The following LCN15 variants were observed in gnomAD, a reference collection of about 807,000 sequenced individuals.
LCN15 encodes lipocalin 15, also known as lipocalin-15.
Under a neutral mutation model 23.1 loss-of-function variants are expected in LCN15, and 26 were observed. The ratio of observed to expected loss-of-function variants is 1.13; its 90% CI spans 0.82 to 1.56. The LOEUF (loss-of-function observed/expected upper bound fraction) is 1.56, where lower values mean the gene tolerates loss of function less well. Among genes scored for constraint, LCN15 ranks in the 40% most tolerant of loss-of-function variants. The probability of loss-of-function intolerance (pLI) is 0.00; values close to 1 mark genes in which losing one functional copy is unlikely to be tolerated. For missense variants in LCN15, 241 were observed against 239.5 expected (o/e 1.01, Z -0.04); for synonymous variants, 107 against 98.3 (o/e 1.09, Z -0.52).
At chr9:136,762,152 T>C in intron 5 of LCN15, 36 bp downstream of exon 5, 2 of 1,022,492 alleles carry the variant, frequency 2.0e-6, no homozygotes, top group East Asian at 4.8e-5. Context: ...AGGGAGAGGC[T>C]GGGGGGCATG....
In LCN15 at chr9:136,759,696, G is replaced by T. The variant is rs1220874904; in HGVS notation, c.*120C>A. 6.6e-6 allele frequency: 1 copy of T among 152,316 alleles called. No individual in the cohort carries two copies. The highest frequency in any genetic ancestry group is 2.1e-4 in the South Asian group (1 of 4,842). 9.4% of individuals were successfully genotyped at this position (152,316 alleles called of 1,614,324 possible). On this transcript the variant is annotated 3_prime_UTR_variant, in exon 7 of 7. Transcript: ENST00000316144. Reference sequence around the variant, plus strand: ...GTCCCACAAGGCATCCCACAGGCGGGGGGTGGAGGATGGAGAGACTCCAGG... The same window carrying T: ...GTCCCACAAGGCATCCCACAGGCGGTGGGTGGAGGATGGAGAGACTCCAGG...
rs778196500 is a variant in LCN15 at position 136,764,030 on chromosome 9, C to T, written c.97-21G>A. 2.2e-5 allele frequency: 36 copies of T among 1,609,670 alleles called. No individual in the cohort carries two copies. The African/African-American group carries it at 4.0e-4, about 18-fold the overall frequency. On this transcript the variant is annotated intron_variant, in intron 1 of 6. Transcript: ENST00000316144. ...GAGAACTGCCGGGGGCTTAGTCACC[C>T]GCAGGCCAGGACAGCCAGCAGCAGG...
rs1242937588 is a variant in LCN15 at position 136,763,999 on chromosome 9, A to T, written c.107T>A (p.Leu36His). 2 of 1,613,000 alleles carry T rather than the reference A, an allele frequency of 1.2e-6. No individual in the cohort carries two copies. The highest frequency in any genetic ancestry group is 1.7e-6 in the Non-Finnish European group (2 of 1,179,882). Residue 36 changes from leucine to histidine, a missense_variant, in exon 2 of 7, where the codon CTC becomes CAC. Coordinates refer to ENST00000316144, the MANE Select transcript of LCN15 (RefSeq NM_203347.2). ...PDFNAEKFSG[L>H]WYVVSMASDC... ...AGATGCCATGGAGACCACGTACCAG[A>T]GGCCTGAGAACTGCCGGGGGCTTAG... is the stretch of plus-strand genomic sequence containing the variant.
Position 136,761,153 on chromosome 9 carries a change from G to C in LCN15, c.*32+634C>G, listed in dbSNP as rs36054258. On this transcript the variant is annotated intron_variant, in intron 6 of 6. Coordinates refer to ENST00000316144, the MANE Select transcript of LCN15 (RefSeq NM_203347.2). This position sits in a 1 kb window ranked among gnomAD's most constrained non-coding sequence, Gnocchi z 4.2. ...AGCGGCAGCCGTGGGAGCTGGGGGG[G>C]CGGTGTGGGAGGGAGTCTCCTTCAG... Among the ~76,000 whole-genome samples the C allele has an allele frequency of 1.3e-4, 20 of 152,282 alleles. No homozygotes were observed. The highest frequency in any genetic ancestry group is 3.9e-4 in the Admixed American group (6 of 15,300).
In LCN15 at chr9:136,762,226, C is replaced by A; in HGVS notation, c.482G>T (p.Gly161Val). ...KSFQDFYPTL[G>V]LPKDMMVMLP... ...CATGACCATCATGTCCTTGGGGAGCCCCAGGGTCGGGTAGAAGTCCTGGAA... is the reference window on the plus strand; with the variant it reads ...CATGACCATCATGTCCTTGGGGAGCACCAGGGTCGGGTAGAAGTCCTGGAA... Residue 161 changes from glycine (G) to valine (V), a missense_variant, in exon 5 of 7, where the codon GGG (glycine) becomes GTG (valine). Coordinates refer to ENST00000316144, the MANE Select transcript of LCN15 (RefSeq NM_203347.2). 1 of 1,600,856 alleles carries A rather than the reference C, an allele frequency of 6.2e-7. No homozygotes were observed.
intron 6 of LCN15, among the ~76,000 whole-genome samples, chr9:136,760,161 C>T (rs973795499): frequency 3.3e-5 from 5 of 152,246 alleles, no homozygotes; most frequent in South Asian, 2.1e-4. Context: ...ACAGCCTCCA[C>T]GGTCACGCGT....
At position 136,763,966 on chromosome 9, in the gene LCN15, C is replaced by T. The variant is rs1325920836; in HGVS notation, c.140G>A (p.Arg47Lys). 6.2e-7 allele frequency: 1 copy of T among 1,613,386 alleles called. No individual in the cohort carries two copies. Among genetic ancestry groups the T allele is most frequent in the African/African-American group, 1.3e-5 (1 of 74,884 alleles). ...GTGGTCCTTCTTGCCCAGGAAGACC[C>T]TGCAGTCAGATGCCATGGAGACCAC... ...WYVVSMASDC[R>K]VFLGKKDHLS... Residue 47 changes from arginine (R) to lysine (K), a missense_variant, in exon 2 of 7, where the codon AGG (arginine) becomes AAG (lysine). By Grantham distance (26) the Arg-to-Lys change is conservative (BLOSUM62 2). Transcript: ENST00000316144.
At position 136,763,954 on chromosome 9, in the gene LCN15, C is replaced by T. The variant is rs779162940; in HGVS notation, c.152G>A (p.Gly51Asp). Residue 51 changes from glycine to aspartate, a missense_variant, in exon 2 of 7, where the codon GGC becomes GAC. Gly to Asp is a moderately conservative substitution (Grantham distance 94, BLOSUM62 -1). Transcript: ENST00000316144. ...SMASDCRVFL[G>D]KKDHLSMSTR... ...GGACATGGACAGGTGGTCCTTCTTG[C>T]CCAGGAAGACCCTGCAGTCAGATGC... 5 of 1,613,410 alleles carry T rather than the reference C, an allele frequency of 3.1e-6. No homozygotes were observed. The African/African-American group carries it at 5.3e-5, about 17-fold the overall frequency.
chr9:136,764,405 G>A lies in LCN15; in HGVS notation c.84C>T (p.Phe28=). The change falls in exon 1 of 7, where the codon TTC becomes TTT. Residue 28 remains phenylalanine (F), a synonymous_variant. Coordinates refer to ENST00000316144, the MANE Select transcript of LCN15 (RefSeq NM_203347.2). ...AQAEVLLQPD[F]NAEKFSGLWY... ...AGGCCCCTGGTACCTTTTCAGCATT[G>A]AAGTCAGGCTGCAGCAGAACCTCAG... The A allele has an allele frequency of 6.2e-7, 1 of 1,613,134 alleles. No individual in the cohort carries two copies. Among genetic ancestry groups the A allele is most frequent in the Middle Eastern group, 1.7e-4 (1 of 6,056 alleles).
At chr9:136,762,608 G>C (rs1847331847) in intron 4 of LCN15, among the ~76,000 whole-genome samples, 1 of 152,142 alleles carries the variant, frequency 6.6e-6, no homozygotes, top group African/African-American at 2.4e-5. Flanking sequence ...AGGAGTTAAA[G>C]AACCTGAGCC....
At chr9:136,764,047 A>G (rs774917474) in intron 1 of LCN15, 38 bp from the exon 2 acceptor site, 18 of 1,603,452 alleles carry the variant, frequency 1.1e-5, no homozygotes, top group Non-Finnish European at 1.4e-5. Context: ...CAGGACAGCC[A>G]GCAGCAGGGC....
intron 3 of LCN15, 75 bp downstream of exon 3, chr9:136,763,638 G>A: frequency 1.1e-5 from 17 of 1,531,958 alleles, no homozygotes; most frequent in Middle Eastern, 2.3e-4. Flanking sequence ...TTGGGCCCGG[G>A]TGGAAAGTCA....
At position 136,764,416 on chromosome 9, in the gene LCN15, G is replaced by C. The variant is rs1847356570; in HGVS notation, c.73C>G (p.Gln25Glu). Residue 25 changes from glutamine to glutamate, a missense_variant, in exon 1 of 7, where the codon CAG becomes GAG. Physicochemically the swap from Gln to Glu is conservative, Grantham distance 29 (BLOSUM62 2). Coordinates refer to ENST00000316144, the MANE Select transcript of LCN15 (RefSeq NM_203347.2). ...APTAQAEVLL[Q>E]PDFNAEKFSG... ...ACCTTTTCAGCATTGAAGTCAGGCT[G>C]CAGCAGAACCTCAGCCTGAGCCGTG... is the stretch of plus-strand genomic sequence containing the variant. The C allele has an allele frequency of 6.2e-7, 1 of 1,613,324 alleles. No homozygotes were observed.
intron 3 of LCN15, 31 bp from the exon 4 acceptor site, chr9:136,763,498 G>A (rs780804337): frequency 6.7e-7 from 1 of 1,496,674 alleles, no homozygotes; most frequent in Admixed American, 1.8e-5. Context: ...TTTTCAGGCT[G>A]GAGAAGTGGA....
intron 6 of LCN15, among the ~76,000 whole-genome samples, chr9:136,760,848 C>T (rs1042722796): frequency 6.7e-4 from 102 of 152,344 alleles, no homozygotes; most frequent in African/African-American, 2.4e-3. Flanking sequence ...GTCCCCAAAA[C>T]TTCAGGCCCA....
chr9:136,764,116 G>T (rs1174342570), intron 1 of LCN15, 107 bp from the exon 2 acceptor site: 2 of 1,433,848 alleles, frequency 1.4e-6, no homozygotes, highest in Non-Finnish European at 1.9e-6. Context: ...GGGTCTCGGA[G>T]TGGCCATGTC....
At chr9:136,762,041 G>A in intron 5 of LCN15, 147 bp downstream of exon 5, 1 of 730,008 alleles carries the variant, frequency 1.4e-6, no homozygotes, top group Non-Finnish European at 2.2e-6. Flanking sequence ...GTGGGGTAGG[G>A]GCTGCAGGGG....
chr9:136,764,036 C>A, intron 1 of LCN15, 27 bp from the exon 2 acceptor site: 1 of 1,605,544 alleles, frequency 6.2e-7, no homozygotes, highest in Non-Finnish European at 8.5e-7. Flanking sequence ...CACCCGCAGG[C>A]CAGGACAGCC....
intron 5 of LCN15, 41 bp downstream of exon 5, chr9:136,762,147 G>A: frequency 8.1e-7 from 1 of 1,229,174 alleles, no homozygotes; most frequent in Non-Finnish European, 1.1e-6. Flanking sequence ...AAGGGAGGGA[G>A]AGGCTGGGGG....
Sources: allele counts gnomAD v4.1 joint callset (sites outside exome capture counted in the v4.1 genomes callset), GRCh38; gene constraint gnomAD v4.1.1; non-coding constraint Gnocchi (gnomAD v3.1); transcripts MANE v1.5; gene names NCBI Gene and HGNC (gene_info 2026-07-23, HGNC 2026-07-21).